Variants in PLCB4 observed in about 807,000 individuals in gnomAD.
PLCB4 encodes the protein 1-phosphatidylinositol 4,5-bisphosphate phosphodiesterase beta-4.
PLCB4 carries 77 observed loss-of-function variants against 178.8 expected under a neutral mutation model. The observed-to-expected ratio is 0.43, with a 90% CI of 0.36 to 0.52. The LOEUF is 0.52. Ranked by LOEUF, PLCB4 falls within the 20% of genes least tolerant of loss-of-function variation. The pLI is 0.00. For synonymous variants in PLCB4, 496 were observed against 490.8 expected (o/e 1.01, Z -0.14); for missense variants, 1,024 against 1,453.4 (o/e 0.70, Z 4.80).
At chr20:9,158,358 C>T (rs555250253) in intron 2 of PLCB4, among the ~76,000 whole-genome samples, 42 of 151,930 alleles carry the variant, frequency 2.8e-4, no homozygotes, top group East Asian at 1.4e-3. Context: ...CTCCACCTTC[C>T]GGGTTCAAGT....
intron 2 of PLCB4, among the ~76,000 whole-genome samples, chr20:9,111,133 A>G (rs1490533093): frequency 1.3e-5 from 2 of 152,138 alleles, no homozygotes; most frequent in African/African-American, 2.4e-5. Flanking sequence ...TTTGTCACAG[A>G]CACCCCCCTC....
rs145784691 is a variant in PLCB4 at position 9,474,852 on chromosome 20, C to T, written c.3495+1487C>T. Among the ~76,000 whole-genome samples, 512 of 152,240 alleles carry T rather than the reference C, an allele frequency of 3.4e-3. 7 individuals are homozygous for T. The highest frequency in any genetic ancestry group is 0.012 in the African/African-American group (489 of 41,542). ...TCAGCTAAGTGCTTCTATTCATAAG[C>T]AAGTCCACTCCAAGGGGACAATACA... On this transcript the variant is annotated intron_variant, in intron 38 of 39. Coordinates refer to ENST00000378473, the MANE Select transcript of PLCB4 (RefSeq NM_001377142.1).
At chr20:9,470,330 CA>C (rs974832220) in intron 36 of PLCB4, among the ~76,000 whole-genome samples, 57 of 136,292 alleles carry the variant, frequency 4.2e-4, no homozygotes, top group Admixed American at 3.0e-4. Context: ...AACTCCATCT[CA>C]AAAAAAAAAA....
chr20:9,080,272 GT>G (rs1299535884), intron 1 of PLCB4, among the ~76,000 whole-genome samples: 2 of 152,054 alleles, frequency 1.3e-5, no homozygotes, highest in Non-Finnish European at 2.9e-5. Context: ...CTGCTCTTTG[GT>G]TTGTGTACTT....
At chr20:9,153,458 T>C (rs962095105) in intron 2 of PLCB4, among the ~76,000 whole-genome samples, 5 of 152,034 alleles carry the variant, frequency 3.3e-5, no homozygotes, top group Admixed American at 6.6e-5. Flanking sequence ...TTATCAGGGG[T>C]TCCCACTCTT....
At chr20:9,314,612 T>G (rs2094877794) in intron 4 of PLCB4, among the ~76,000 whole-genome samples, 1 of 152,210 alleles carries the variant, frequency 6.6e-6, no homozygotes, top group Non-Finnish European at 1.5e-5. Flanking sequence ...AAGTGATATC[T>G]TCTGTAGTAC....
chr20:9,441,331 T>C (rs2042089192), intron 30 of PLCB4, among the ~76,000 whole-genome samples: 2 of 151,964 alleles, frequency 1.3e-5, no homozygotes, highest in South Asian at 4.2e-4. Flanking sequence ...CTCCATGGAT[T>C]GGGGTGGGGT....
rs190095835 is a variant in PLCB4 at position 9,315,440 on chromosome 20, C to T, written c.84+7542C>T. Among the ~76,000 whole-genome samples the T allele has an allele frequency of 6.1e-3, 932 of 152,188 alleles. 10 individuals carry two copies. Among genetic ancestry groups the T allele is most frequent in the Non-Finnish European group, 8.8e-3 (596 of 68,008 alleles). On this transcript the variant is annotated intron_variant, in intron 4 of 39. Transcript: ENST00000378473. ...GAGTGTATGGTCCAGCGGCAGGAGA[C>T]CAACAATAAACCAATAAGCATAGAA...
intron 1 of PLCB4, among the ~76,000 whole-genome samples, chr20:9,075,732 G>A (rs886250494): frequency 2.4e-4 from 36 of 152,336 alleles, no homozygotes; most frequent in South Asian, 1.9e-3. Flanking sequence ...GGTGGGCCTA[G>A]GGCCCAGGAT....
At chr20:9,110,924 C>T (rs2091552656) in intron 2 of PLCB4, among the ~76,000 whole-genome samples, 1 of 152,086 alleles carries the variant, frequency 6.6e-6, no homozygotes, top group Non-Finnish European at 1.5e-5. Context: ...TGATATTGTA[C>T]TGTTGTTCTT....
intron 25 of PLCB4, among the ~76,000 whole-genome samples, chr20:9,417,818 A>G (rs1009103886): frequency 6.6e-6 from 1 of 152,132 alleles, no homozygotes; most frequent in African/African-American, 2.4e-5. Context: ...CACTCCTACT[A>G]GCAACATATG....
At chr20:9,474,213 TC>T (rs2044387873) in intron 38 of PLCB4, among the ~76,000 whole-genome samples, 1 of 130,262 alleles carries the variant, frequency 7.7e-6, no homozygotes. Context: ...TGACTCCATC[TC>T]AAAAAAAAAA....
chr20:9,350,622 G>A (rs571086520), intron 7 of PLCB4, among the ~76,000 whole-genome samples: 2 of 152,158 alleles, frequency 1.3e-5, no homozygotes, highest in East Asian at 3.9e-4. Context: ...ACAGTGGTGT[G>A]TTCTCAGCTC....
chr20:9,339,178 A>G lies in PLCB4; in HGVS notation c.369+141A>G, dbSNP rs572537120. On this transcript the variant is annotated intron_variant, in intron 7 of 39. Coordinates refer to ENST00000378473, the MANE Select transcript of PLCB4 (RefSeq NM_001377142.1). Reference sequence around the variant, plus strand: ...CATTGCTTTGCTGACATGTTTCTGTAGAAAATCAGCAATTAAAATACCCTT... The same window carrying G: ...CATTGCTTTGCTGACATGTTTCTGTGGAAAATCAGCAATTAAAATACCCTT... The G allele has an allele frequency of 1.4e-5, 10 of 715,204 alleles. No homozygotes were observed. In the East Asian group the frequency reaches 2.8e-4, roughly 20 times the overall value. 44.3% of individuals were successfully genotyped at this position (715,204 alleles called of 1,614,324 possible). A position where few individuals can be genotyped will look rare whatever the true frequency, so the allele number is the denominator to read the frequency against.
chr20:9,159,726 G>A (rs1283593930), intron 2 of PLCB4, among the ~76,000 whole-genome samples: 5 of 152,148 alleles, frequency 3.3e-5, no homozygotes, highest in Admixed American at 3.3e-4. Context: ...AGAGAGCTTG[G>A]CTTGATGAAA....
At chr20:9,264,407 C>T (rs2094328541) in intron 3 of PLCB4, among the ~76,000 whole-genome samples, 1 of 152,106 alleles carries the variant, frequency 6.6e-6, no homozygotes, top group South Asian at 2.1e-4. Flanking sequence ...TTATAAAAAT[C>T]CTTACTTTGT....
chr20:9,381,884 C>T (rs2037173967), intron 13 of PLCB4, among the ~76,000 whole-genome samples: 2 of 152,148 alleles, frequency 1.3e-5, no homozygotes, highest in South Asian at 4.1e-4. Flanking sequence ...ACCAGAGCGG[C>T]ACAGTTCTCA....
At chr20:9,184,129 G>T (rs546380794) in intron 2 of PLCB4, among the ~76,000 whole-genome samples, 1 of 152,150 alleles carries the variant, frequency 6.6e-6, no homozygotes, top group East Asian at 1.9e-4. Flanking sequence ...ATTGAAGGTA[G>T]AAGGCATCCT....
Position 9,337,107 on chromosome 20 carries a change from A to G in PLCB4, c.85-19A>G, listed in dbSNP as rs200037117. On this transcript the variant is annotated intron_variant, in intron 4 of 39. Coordinates refer to ENST00000378473, the MANE Select transcript of PLCB4 (RefSeq NM_001377142.1). ...AAAATGGTGTGAGTCATGAAGATCA[A>G]CACATTTCTTTTTGACAGGAATCCT... is the stretch of plus-strand genomic sequence containing the variant. 9.1e-6 allele frequency: 14 copies of G among 1,546,470 alleles called. No homozygotes were observed. The highest frequency in any genetic ancestry group is 1.4e-5 in the African/African-American group (1 of 73,628).
Sources: gnomAD v4.1 joint callset for allele counts (sites outside exome capture counted in the v4.1 genomes callset) on GRCh38, gnomAD v4.1.1 for gene constraint, MANE v1.5 for transcripts, NCBI Gene and HGNC (gene_info 2026-07-23, HGNC 2026-07-21) for gene names.